PTPRM: variants seen among roughly 807,000 people sequenced by gnomAD.
PTPRM encodes the protein receptor-type tyrosine-protein phosphatase mu.
Under a neutral mutation model 186.7 loss-of-function variants are expected in PTPRM, and 47 were observed. That is an observed-to-expected ratio of 0.25 (90% CI 0.20 to 0.32). PTPRM has a LOEUF of 0.32. Among genes scored for constraint, PTPRM ranks in the 10% least tolerant of loss-of-function variants. The pLI, the probability that PTPRM is intolerant of heterozygous loss-of-function variation, is 1.00. For missense variants in PTPRM, 1,494 were observed against 1,865.0 expected (o/e 0.80, Z 3.66); for synonymous variants, 668 against 674.9 (o/e 0.99, Z 0.16).
rs1182799165 is a variant in PTPRM at position 8,063,133 on chromosome 18, G to A, written c.1133-6553G>A. Among the ~76,000 whole-genome samples the A allele has an allele frequency of 2.6e-3, 398 of 151,634 alleles. 1 individual carries two copies. The highest frequency in any genetic ancestry group is 9.2e-3 in the African/African-American group (379 of 41,036). On this transcript the variant is annotated intron_variant, in intron 7 of 32. Coordinates refer to ENST00000580170, the MANE Select transcript of PTPRM (RefSeq NM_001105244.2). ...AGACTCCGTGGGCGTAGGACCCTCC[G>A]AGCCAGGTGTGGGATATAGTCTCGT...
chr18:7,994,426 T>C (rs1286912163), intron 7 of PTPRM, among the ~76,000 whole-genome samples: 1 of 152,044 alleles, frequency 6.6e-6, no homozygotes, highest in Non-Finnish European at 1.5e-5. Flanking sequence ...ATAACCTAGA[T>C]AGAAAATCAA....
At chr18:7,815,756 G>T (rs1255960714) in intron 2 of PTPRM, 2 of 152,098 alleles carry the variant, frequency 1.3e-5, no homozygotes, top group African/African-American at 4.8e-5. Flanking sequence ...TGAGGGAAAG[G>T]TTATTGATAA....
intron 19 of PTPRM, among the ~76,000 whole-genome samples, chr18:8,286,309 C>CTACT (rs1161057849): frequency 1.3e-5 from 2 of 152,290 alleles, no homozygotes; most frequent in East Asian, 3.9e-4. Context: ...CACCCAAGAC[C>CTACT]TACTGTAAGA....
chr18:8,128,842 G>A (rs1168211751), intron 13 of PTPRM, among the ~76,000 whole-genome samples: 1 of 152,076 alleles, frequency 6.6e-6, no homozygotes, highest in African/African-American at 2.4e-5. Context: ...GATTTTCAAT[G>A]TATAAAAACA....
In PTPRM at chr18:8,378,146, G is replaced by A. The variant is rs538857358; in HGVS notation, c.3463-119G>A. 199 of 1,037,054 alleles carry A rather than the reference G, an allele frequency of 1.9e-4. 2 individuals are homozygous for A. The highest frequency in any genetic ancestry group is 1.7e-3 in the African/African-American group (108 of 62,598). 64.2% of individuals were successfully genotyped at this position (1,037,054 alleles called of 1,614,324 possible). A position where few individuals can be genotyped will look rare whatever the true frequency, so the allele number is the denominator to read the frequency against. ...CTCCTAGCACTTGAGCCCTTGGACC[G>A]TGTTTCTCTCTGGAGGAACTGTCTC... is the stretch of plus-strand genomic sequence containing the variant. On this transcript the variant is annotated intron_variant, in intron 26 of 32. Coordinates refer to ENST00000580170, the MANE Select transcript of PTPRM (RefSeq NM_001105244.2).
intron 2 of PTPRM, among the ~76,000 whole-genome samples, chr18:7,871,039 A>G (rs2047959321): frequency 6.6e-6 from 1 of 152,216 alleles, no homozygotes; most frequent in Non-Finnish European, 1.5e-5. Flanking sequence ...GCAAAACACC[A>G]AGCTGTAAAG....
chr18:7,835,845 T>TTTTTGTTTTG (rs201053851), intron 2 of PTPRM, among the ~76,000 whole-genome samples: 8 of 151,778 alleles, frequency 5.3e-5, no homozygotes, highest in African/African-American at 1.2e-4. Flanking sequence ...CTTAAAGTTT[T>TTTTTGTTTTG]TTTTGTTTTG....
In PTPRM at chr18:7,727,755, G is replaced by A. The variant is rs147969052; in HGVS notation, c.74-46394G>A. On this transcript the variant is annotated intron_variant, in intron 1 of 32. Coordinates refer to ENST00000580170, the MANE Select transcript of PTPRM (RefSeq NM_001105244.2). ...GGTTTTCCTGTGTGCTGTATTAAAC[G>A]TGTGCAATTTTGCAGCAAGTCCAAA... Among the ~76,000 whole-genome samples, 406 of 152,298 alleles carry A rather than the reference G, an allele frequency of 2.7e-3. 2 individuals carry two copies. The highest frequency in any genetic ancestry group is 9.1e-3 in the African/African-American group (379 of 41,568).
At chr18:8,210,650 G>C (rs924157953) in intron 14 of PTPRM, among the ~76,000 whole-genome samples, 1 of 152,180 alleles carries the variant, frequency 6.6e-6, no homozygotes, top group African/African-American at 2.4e-5. Context: ...GGTCATGGGT[G>C]GATATGAAAC....
At chr18:7,983,695 A>G (rs577395781) in intron 7 of PTPRM, among the ~76,000 whole-genome samples, 22 of 152,244 alleles carry the variant, frequency 1.4e-4, no homozygotes, top group Admixed American at 4.6e-4. Flanking sequence ...GAGCAGTCCT[A>G]CTTTCTACTT....
At chr18:7,791,946 C>T (rs1341174869) in intron 2 of PTPRM, among the ~76,000 whole-genome samples, 1 of 152,088 alleles carries the variant, frequency 6.6e-6, no homozygotes, top group Non-Finnish European at 1.5e-5. Flanking sequence ...AAACCATACC[C>T]TAATATTTTC....
At chr18:8,056,183 CAAT>C (rs1042206806) in intron 7 of PTPRM, among the ~76,000 whole-genome samples, 9 of 152,022 alleles carry the variant, frequency 5.9e-5, no homozygotes, top group African/African-American at 2.2e-4. Flanking sequence ...CATACAAACA[CAAT>C]AATAATATGA....
chr18:8,102,367 T>G (rs1257681444), intron 11 of PTPRM, among the ~76,000 whole-genome samples: 1 of 152,248 alleles, frequency 6.6e-6, no homozygotes, highest in African/African-American at 2.4e-5. Flanking sequence ...ATTTTACCCA[T>G]AGTAGAACTT....
intron 1 of PTPRM, among the ~76,000 whole-genome samples, chr18:7,724,155 A>G (rs758180616): frequency 3.2e-4 from 49 of 152,182 alleles, no homozygotes; most frequent in Non-Finnish European, 5.6e-4. Context: ...TGTCTTGCAT[A>G]TAGTTGTCAC....
intron 7 of PTPRM, among the ~76,000 whole-genome samples, chr18:7,990,368 T>G (rs2083201089): frequency 6.6e-6 from 1 of 152,206 alleles, no homozygotes; most frequent in Admixed American, 6.5e-5. Context: ...TCCTTCACTG[T>G]AGCTAGTTTA....
chr18:8,203,105 T>A (rs2093880653), intron 14 of PTPRM, among the ~76,000 whole-genome samples: 1 of 152,258 alleles, frequency 6.6e-6, no homozygotes, highest in South Asian at 2.1e-4. Flanking sequence ...CATGACCGAA[T>A]GTATATCTAC....
intron 3 of PTPRM, among the ~76,000 whole-genome samples, chr18:7,895,073 A>G (rs1403440343): frequency 6.6e-6 from 1 of 152,214 alleles, no homozygotes; most frequent in Non-Finnish European, 1.5e-5. Context: ...GAGGACAGTA[A>G]AAGAACATAC....
In PTPRM at chr18:8,343,604, A is replaced by C. The variant is rs554328401; in HGVS notation, c.3054+84A>C. 9.6e-5 allele frequency: 119 copies of C among 1,237,852 alleles called. No homozygotes were observed. The South Asian group carries it at 1.5e-3, about 16-fold the overall frequency. 76.7% of individuals were successfully genotyped at this position (1,237,852 alleles called of 1,614,324 possible). On this transcript the variant is annotated intron_variant, in intron 23 of 32. Coordinates refer to ENST00000580170, the MANE Select transcript of PTPRM (RefSeq NM_001105244.2). ...AGTAAGGCATGAGGCAAGCTTTTGAACTATTATGTGTACTCCCCAAAACAT... is the reference window on the plus strand; with the variant it reads ...AGTAAGGCATGAGGCAAGCTTTTGACCTATTATGTGTACTCCCCAAAACAT...
At chr18:7,969,074 A>T (rs1487122569) in intron 7 of PTPRM, among the ~76,000 whole-genome samples, 1 of 30,586 alleles carries the variant, frequency 3.3e-5, no homozygotes, top group Admixed American at 3.8e-4. Flanking sequence ...TCTCCTCAGC[A>T]AATGTAAAAG....
Sources: gnomAD v4.1 joint callset for allele counts (sites outside exome capture counted in the v4.1 genomes callset) on GRCh38, gnomAD v4.1.1 for gene constraint, MANE v1.5 for transcripts, NCBI Gene and HGNC (gene_info 2026-07-23, HGNC 2026-07-21) for gene names.